Variants in GIPC2 observed in about 807,000 individuals in gnomAD.
GIPC2 encodes the protein PDZ domain-containing protein GIPC2.
GIPC2 carries 30 observed loss-of-function variants against 30.6 expected under a neutral mutation model. That is an observed-to-expected ratio of 0.98 (90% CI 0.73 to 1.33). The LOEUF (loss-of-function observed/expected upper bound fraction) is 1.33, where lower values mean the gene tolerates loss of function less well. Among genes scored for constraint, GIPC2 ranks in the 40% most tolerant of loss-of-function variants. GIPC2 has a pLI of 0.00. For synonymous variants in GIPC2, 167 were observed against 150.0 expected, an observed-to-expected ratio of 1.11 and a Z score of -0.83; for missense variants, 414 against 390.3, an observed-to-expected ratio of 1.06 and a Z score of -0.51.
At position 78,130,279 on chromosome 1, in the gene GIPC2, T is replaced by C. The variant is rs138299279; in HGVS notation, c.796+4317T>C. On this transcript the variant is annotated intron_variant, in intron 5 of 5. Coordinates refer to ENST00000370759, the MANE Select transcript of GIPC2 (RefSeq NM_017655.6). ...CACCATGGCCAGCTAATTTTTTGTA[T>C]TTTTAGTAGAGATGGGGTTTCACCA... Among the ~76,000 whole-genome samples, 465 of 151,928 alleles carry C rather than the reference T, an allele frequency of 3.1e-3. 6 individuals carry two copies. Among genetic ancestry groups the C allele is most frequent in the East Asian group, 0.017 (86 of 5,174 alleles).
intron 1 of GIPC2, among the ~76,000 whole-genome samples, chr1:78,054,128 A>G (rs1016301342): frequency 7.9e-5 from 12 of 152,172 alleles, no homozygotes; most frequent in African/African-American, 2.4e-4. Context: ...TCTTTGTTCC[A>G]GTAACTCCTA....
intron 2 of GIPC2, among the ~76,000 whole-genome samples, chr1:78,094,528 A>G (rs1662101138): frequency 6.6e-6 from 1 of 152,214 alleles, no homozygotes; most frequent in African/African-American, 2.4e-5. Flanking sequence ...AGAATTCAGC[A>G]TATACAGCAA....
chr1:78,083,861 T>C (rs2100352797), intron 2 of GIPC2, among the ~76,000 whole-genome samples: 1 of 152,346 alleles, frequency 6.6e-6, no homozygotes, highest in Non-Finnish European at 1.5e-5. Context: ...GGTTCTTACT[T>C]TCTAGAACAC....
chr1:78,128,058 G>A, intron 5 of GIPC2, among the ~76,000 whole-genome samples: 1 of 152,232 alleles, frequency 6.6e-6, no homozygotes, highest in Non-Finnish European at 1.5e-5. Context: ...TAAAAACATT[G>A]GTAGTTTGTT....
At chr1:78,068,807 G>A (rs1661566701) in intron 1 of GIPC2, among the ~76,000 whole-genome samples, 1 of 152,140 alleles carries the variant, frequency 6.6e-6, no homozygotes, top group Non-Finnish European at 1.5e-5. Flanking sequence ...GAGTATGTGT[G>A]CTCATAAAAA....
At chr1:78,118,965 T>C (rs1362521804) in intron 3 of GIPC2, among the ~76,000 whole-genome samples, 2 of 152,052 alleles carry the variant, frequency 1.3e-5, no homozygotes, top group Non-Finnish European at 2.9e-5. Context: ...TCTTCTCTCT[T>C]TTTTTTCCTT....
At chr1:78,051,270 A>G (rs1043392289) in intron 1 of GIPC2, among the ~76,000 whole-genome samples, 45 of 152,128 alleles carry the variant, frequency 3.0e-4, no homozygotes, top group African/African-American at 1.0e-3. Context: ...CAAAAAAAAG[A>G]TAAATTTTAT....
intron 3 of GIPC2, among the ~76,000 whole-genome samples, chr1:78,107,290 T>TGCAG (rs1451164531): frequency 6.6e-6 from 1 of 151,640 alleles, no homozygotes; most frequent in Admixed American, 6.6e-5. Context: ...AGACCACAGG[T>TGCAG]GCAGGCCACC....
chr1:78,045,936 T>A, upstream of GIPC2: 16 of 1,352,552 alleles, frequency 1.2e-5, no homozygotes, highest in South Asian at 2.5e-4. Flanking sequence ...GGTCCAGGGG[T>A]GGAGGTCGGG....
intron 1 of GIPC2, among the ~76,000 whole-genome samples, chr1:78,074,700 T>TC (rs1299244017): frequency 3.3e-5 from 5 of 152,240 alleles, no homozygotes; most frequent in Non-Finnish European, 7.3e-5. Context: ...CGTTTCTTTT[T>TC]CTCTTCTTTC....
rs1210502756 is a variant in GIPC2 at position 78,113,218 on chromosome 1, T to TA, written c.608-6166dup. ...TGCATATGTGTGGGTTCTATTTCATTAAAAAAAAACAGATATGTGAAATGA... is the reference window on the plus strand; with the variant it reads ...TGCATATGTGTGGGTTCTATTTCATTAAAAAAAAAACAGATATGTGAAATGA... On this transcript the variant is annotated intron_variant, in intron 3 of 5. Transcript: ENST00000370759. 6.4e-3 allele frequency among the ~76,000 whole-genome samples: 964 copies of TA among 150,470 alleles called. 7 individuals are homozygous for TA. Among genetic ancestry groups the TA allele is most frequent in the African/African-American group, 0.022 (897 of 41,016 alleles).
chr1:78,082,869 C>T (rs1383743692), intron 2 of GIPC2, among the ~76,000 whole-genome samples: 1 of 151,994 alleles, frequency 6.6e-6, no homozygotes. Context: ...CAAAGAACTC[C>T]CATAAATCAT....
intron 3 of GIPC2, among the ~76,000 whole-genome samples, chr1:78,104,190 C>A (rs1415594499): frequency 6.8e-6 from 1 of 147,178 alleles, no homozygotes; most frequent in South Asian, 2.1e-4. Context: ...GGAGAGGGGG[C>A]CGGGGGTGGT....
chr1:78,126,508 A>G (rs1662785256), intron 5 of GIPC2, among the ~76,000 whole-genome samples: 1 of 152,138 alleles, frequency 6.6e-6, no homozygotes, highest in African/African-American at 2.4e-5. Context: ...AAATGACTAA[A>G]ACAAAAACCA....
intron 2 of GIPC2, chr1:78,091,683 A>G: frequency 1.3e-6 from 1 of 773,202 alleles, no homozygotes; most frequent in Non-Finnish European, 2.4e-6. Flanking sequence ...GCTGTTTTCT[A>G]TAGTGTGATG....
chr1:78,116,019 G>T (rs1662560777), intron 3 of GIPC2, among the ~76,000 whole-genome samples: 1 of 152,182 alleles, frequency 6.6e-6, no homozygotes, highest in Admixed American at 6.5e-5. Flanking sequence ...ACCTGAGACT[G>T]GGTAATTTAT....
At chr1:78,125,398 T>C (rs1557551180) in intron 4 of GIPC2, among the ~76,000 whole-genome samples, 1 of 152,044 alleles carries the variant, frequency 6.6e-6, no homozygotes, top group Non-Finnish European at 1.5e-5. Context: ...CCATGTTGCC[T>C]GGGCTGGTCT....
intron 4 of GIPC2, among the ~76,000 whole-genome samples, chr1:78,124,091 T>C (rs1662736604): frequency 6.6e-6 from 1 of 152,242 alleles, no homozygotes; most frequent in Non-Finnish European, 1.5e-5. Context: ...ATCTAAATAA[T>C]GAATTCTACA....
chr1:78,094,041 G>T (rs664448), intron 2 of GIPC2, among the ~76,000 whole-genome samples: 2 of 151,758 alleles, frequency 1.3e-5, no homozygotes, highest in African/African-American at 4.8e-5. Flanking sequence ...TTCTCCTTGG[G>T]GTCCTACATT....
Sources: gnomAD v4.1 joint callset for allele counts (sites outside exome capture counted in the v4.1 genomes callset) on GRCh38, gnomAD v4.1.1 for gene constraint, MANE v1.5 for transcripts, NCBI Gene and HGNC (gene_info 2026-07-23, HGNC 2026-07-21) for gene names.